The following HPSE2 variants were observed in gnomAD, a reference collection of about 807,000 sequenced individuals.
The protein encoded by HPSE2 is heparanase 2 (inactive).
In HPSE2, 38 loss-of-function variants were observed where a neutral mutation model predicts 60.5. The ratio of observed to expected loss-of-function variants is 0.63; its 90% CI spans 0.48 to 0.82. The LOEUF (loss-of-function observed/expected upper bound fraction) is 0.82, where lower values mean the gene tolerates loss of function less well. Ranked by LOEUF, HPSE2 falls within the 40% of genes least tolerant of loss-of-function variation. HPSE2 has a pLI of 0.00. For missense variants in HPSE2, 713 were observed against 740.4 expected (o/e 0.96, Z 0.43); for synonymous variants, 295 against 293.2 (o/e 1.01, Z -0.06).
At chr10:99,253,828 T>C in the HPSE2 span, among the ~76,000 whole-genome samples, 6 of 152,040 alleles carry the variant, frequency 3.9e-5, no homozygotes. Context: ...CAAAAGAAGA[T>C]ATACAGGCAG....
chr10:98,607,846 T>C (rs1945636802), intron 9 of HPSE2, among the ~76,000 whole-genome samples: 1 of 152,174 alleles, frequency 6.6e-6, no homozygotes, highest in South Asian at 2.1e-4. Flanking sequence ...ATATATCAAA[T>C]ACATATCAAA....
intron 9 of HPSE2, among the ~76,000 whole-genome samples, chr10:98,611,818 G>A (rs1029448676): frequency 6.6e-6 from 1 of 152,178 alleles, no homozygotes; most frequent in Non-Finnish European, 1.5e-5. Flanking sequence ...TTTACATACA[G>A]TTTCTTTATT....
chr10:98,983,799 C>T (rs1386899981), intron 3 of HPSE2, among the ~76,000 whole-genome samples: 1 of 152,222 alleles, frequency 6.6e-6, no homozygotes, highest in African/African-American at 2.4e-5. Context: ...CACCCTAATA[C>T]TGTGCTTTTC....
At chr10:98,638,487 A>G (rs1270965172) in intron 7 of HPSE2, among the ~76,000 whole-genome samples, 1 of 152,104 alleles carries the variant, frequency 6.6e-6, no homozygotes, top group Non-Finnish European at 1.5e-5. Flanking sequence ...AACTTGGCCC[A>G]TCTCTGAAAT....
At chr10:98,725,784 A>G (rs1949059344) in intron 4 of HPSE2, among the ~76,000 whole-genome samples, 1 of 152,134 alleles carries the variant, frequency 6.6e-6, no homozygotes, top group Non-Finnish European at 1.5e-5. Context: ...AACTCAAACA[A>G]ATTTGCAAGA....
At chr10:98,970,118 C>T (rs1057162900) in intron 3 of HPSE2, among the ~76,000 whole-genome samples, 11 of 152,114 alleles carry the variant, frequency 7.2e-5, no homozygotes, top group African/African-American at 2.7e-4. Flanking sequence ...CCCGCCACCA[C>T]ACCAGGCTAA....
intron 3 of HPSE2, among the ~76,000 whole-genome samples, chr10:98,799,339 T>C (rs1950853044): frequency 6.6e-6 from 1 of 152,176 alleles, no homozygotes; most frequent in South Asian, 2.1e-4. Flanking sequence ...ACATAATAGC[T>C]GGAGACTTCA....
intron 3 of HPSE2, chr10:99,013,035 T>A: frequency 2.2e-6 from 1 of 455,214 alleles, no homozygotes; most frequent in Non-Finnish European, 4.1e-6. Flanking sequence ...CTTTAATTGC[T>A]GCAGCTTTCA....
intron 3 of HPSE2, among the ~76,000 whole-genome samples, chr10:98,914,372 G>A (rs1954061303): frequency 6.6e-6 from 1 of 151,818 alleles, no homozygotes. Flanking sequence ...GTCAGCCTCG[G>A]GTATGTCTTT....
intron 5 of HPSE2, among the ~76,000 whole-genome samples, chr10:98,702,497 AC>A (rs1313312633): frequency 6.6e-6 from 1 of 152,128 alleles, no homozygotes; most frequent in African/African-American, 2.4e-5. Flanking sequence ...CCACAAGTCA[AC>A]CACATGGCAC....
chr10:99,048,053 T>C (rs1460563880), intron 3 of HPSE2: 2 of 696,278 alleles, frequency 2.9e-6, no homozygotes, highest in African/African-American at 3.5e-5. Flanking sequence ...TATAGAACCA[T>C]ATATTGCATG....
intron 2 of HPSE2, among the ~76,000 whole-genome samples, chr10:99,178,997 A>T (rs1189211492): frequency 6.6e-6 from 1 of 152,218 alleles, no homozygotes; most frequent in African/African-American, 2.4e-5. Context: ...TCCATCACAT[A>T]AACAGAACCA....
chr10:99,235,723 A>G lies in HPSE2; in HGVS notation c.80T>C (p.Leu27Pro). Reference protein sequence around the residue: ...RPPACLAPGALYLALLLHLSL... With the variant: ...RPPACLAPGAPYLALLLHLSL... ...GAGATGGAGCAACAGAGCCAAGTAG[A>G]GAGCCCCCGGGGCTAGGCACGCGGG... The change falls in exon 1 of 12, where the codon CTC becomes CCC. Residue 27 changes from leucine to proline, a missense_variant. Transcript: ENST00000370552. 1 of 1,614,024 alleles carries G rather than the reference A, an allele frequency of 6.2e-7. No individual in the cohort carries two copies. The highest frequency in any genetic ancestry group is 8.5e-7 in the Non-Finnish European group (1 of 1,179,994).
intron 5 of HPSE2, among the ~76,000 whole-genome samples, chr10:98,712,398 G>A (rs1589688684): frequency 6.6e-6 from 1 of 151,886 alleles, no homozygotes; most frequent in Non-Finnish European, 1.5e-5. Context: ...AAAGTGCCTT[G>A]GGCCCATAAA....
intron 2 of HPSE2, among the ~76,000 whole-genome samples, chr10:99,153,779 A>G (rs1349405813): frequency 1.3e-5 from 2 of 152,246 alleles, no homozygotes; most frequent in African/African-American, 2.4e-5. Flanking sequence ...TGAGAGAAGA[A>G]GGCTTCAGAC....
At chr10:98,802,407 T>C (rs2134531278) in intron 3 of HPSE2, among the ~76,000 whole-genome samples, 1 of 151,544 alleles carries the variant, frequency 6.6e-6, no homozygotes, top group East Asian at 1.9e-4. Flanking sequence ...GCCATGCTGG[T>C]GTGCTGCACC....
At chr10:99,206,194 C>T (rs568424792) in intron 2 of HPSE2, among the ~76,000 whole-genome samples, 27 of 152,336 alleles carry the variant, frequency 1.8e-4, no homozygotes, top group African/African-American at 6.3e-4. Context: ...GCAGCTACAA[C>T]AGCAGGTGCA....
chr10:99,054,093 A>T (rs986626981), intron 3 of HPSE2, among the ~76,000 whole-genome samples: 4 of 152,092 alleles, frequency 2.6e-5, no homozygotes, highest in African/African-American at 9.7e-5. Context: ...AGCAGAAATT[A>T]GAGTTCAGGC....
At chr10:98,874,423 G>A (rs566173080) in intron 3 of HPSE2, among the ~76,000 whole-genome samples, 1 of 151,954 alleles carries the variant, frequency 6.6e-6, no homozygotes, top group African/African-American at 2.4e-5. Context: ...CTTGTCTAGG[G>A]TGTAAAGGAA....
Sources: gnomAD v4.1 joint callset for allele counts (sites outside exome capture counted in the v4.1 genomes callset) on GRCh38, gnomAD v4.1.1 for gene constraint, MANE v1.5 for transcripts, NCBI Gene and HGNC (gene_info 2026-07-23, HGNC 2026-07-21) for gene names.